The following NEK11 variants were observed in gnomAD, a reference collection of about 807,000 sequenced individuals.
NEK11 encodes the protein NIMA related kinase 11, also known as serine/threonine-protein kinase Nek11.
Under a neutral mutation model 80.7 loss-of-function variants are expected in NEK11, and 72 were observed. The observed-to-expected ratio is 0.89, with a 90% CI of 0.74 to 1.08. The LOEUF is 1.08. Ranked by LOEUF, NEK11 falls within the 50% of genes least tolerant of loss-of-function variation. The pLI is 0.00. For missense variants in NEK11, 764 were observed against 763.6 expected (o/e 1.00, Z -0.01); for synonymous variants, 251 against 260.7 (o/e 0.96, Z 0.36).
chr3:131,213,549 G>A (rs1288154443), intron 14 of NEK11, among the ~76,000 whole-genome samples: 1 of 152,120 alleles, frequency 6.6e-6, no homozygotes, highest in African/African-American at 2.4e-5. Flanking sequence ...AGGAGGGAGA[G>A]GCCGCCTATG....
chr3:131,088,928 A>G (rs1005514994), intron 4 of NEK11, among the ~76,000 whole-genome samples: 2 of 152,196 alleles, frequency 1.3e-5, no homozygotes, highest in South Asian at 4.1e-4. Flanking sequence ...CTTGGGTTGT[A>G]CAATATAATG....
chr3:131,095,067 G>A (rs1483339555), intron 4 of NEK11, among the ~76,000 whole-genome samples: 2 of 152,058 alleles, frequency 1.3e-5, no homozygotes, highest in East Asian at 3.9e-4. Flanking sequence ...CAGGCACACA[G>A]CATTGTTTAT....
At chr3:131,137,176 G>T (rs1191320323) in intron 7 of NEK11, among the ~76,000 whole-genome samples, 4 of 152,108 alleles carry the variant, frequency 2.6e-5, no homozygotes, top group Admixed American at 1.3e-4. Context: ...AAGGAATCTA[G>T]TTCATGCCCA....
intron 7 of NEK11, among the ~76,000 whole-genome samples, chr3:131,151,407 T>C (rs1415217718): frequency 6.6e-6 from 1 of 152,080 alleles, no homozygotes; most frequent in East Asian, 1.9e-4. Context: ...ATATCCAAAA[T>C]TCTCTTACAA....
chr3:131,240,921 G>A (rs996598310), intron 15 of NEK11, among the ~76,000 whole-genome samples: 32 of 152,116 alleles, frequency 2.1e-4, no homozygotes, highest in Non-Finnish European at 2.5e-4. Flanking sequence ...TTTCTCCTTT[G>A]AGATTGCCTG....
intron 16 of NEK11, among the ~76,000 whole-genome samples, chr3:131,244,432 G>A (rs2095566484): frequency 6.6e-6 from 1 of 152,016 alleles, no homozygotes; most frequent in Admixed American, 6.6e-5. Context: ...CATGACTTAA[G>A]ACCAGGAAGG....
chr3:131,337,628 T>A (rs1051406493), intron 17 of NEK11, among the ~76,000 whole-genome samples: 3 of 148,068 alleles, frequency 2.0e-5, no homozygotes, highest in South Asian at 2.1e-4. Context: ...TAATAAAATT[T>A]AAAATAATAA....
At chr3:131,261,266 C>T (rs867353079) in intron 16 of NEK11, among the ~76,000 whole-genome samples, 5 of 152,108 alleles carry the variant, frequency 3.3e-5, no homozygotes, top group South Asian at 4.1e-4. Context: ...AATGTGTCTT[C>T]GTATCATTTT....
At chr3:131,213,668 A>G (rs986509097) in intron 14 of NEK11, among the ~76,000 whole-genome samples, 11 of 152,216 alleles carry the variant, frequency 7.2e-5, no homozygotes, top group African/African-American at 2.6e-4. Flanking sequence ...TTACTACTCT[A>G]AGTGTGGTTT....
intron 17 of NEK11, among the ~76,000 whole-genome samples, chr3:131,284,169 A>T (rs1581386430): frequency 6.6e-6 from 1 of 152,206 alleles, no homozygotes; most frequent in African/African-American, 2.4e-5. Flanking sequence ...GAGTGAGCAG[A>T]TTCATGCACT....
At chr3:131,168,751 C>T (rs2092463612) in intron 12 of NEK11, 79 bp from the exon 13 acceptor site, 2 of 971,418 alleles carry the variant, frequency 2.1e-6, no homozygotes, top group Non-Finnish European at 3.1e-6. Context: ...AATGGGCCTC[C>T]TGAAAGCAGC....
chr3:131,293,159 GT>G (rs2096560766), intron 17 of NEK11, among the ~76,000 whole-genome samples: 1 of 151,990 alleles, frequency 6.6e-6, no homozygotes, highest in African/African-American at 2.4e-5. Context: ...TTTTTGCCTT[GT>G]AACTGACATT....
At chr3:131,236,457 T>C (rs1018155226) in intron 15 of NEK11, among the ~76,000 whole-genome samples, 1 of 152,202 alleles carries the variant, frequency 6.6e-6, no homozygotes, top group Non-Finnish European at 1.5e-5. Context: ...TATGAATGTC[T>C]TTGAAACCCT....
At chr3:131,209,885 G>A (rs886255775) in intron 14 of NEK11, among the ~76,000 whole-genome samples, 51 of 151,434 alleles carry the variant, frequency 3.4e-4, no homozygotes, top group African/African-American at 1.2e-3. Context: ...TTTCTTCTTT[G>A]TTAGTCTTGC....
intron 14 of NEK11, among the ~76,000 whole-genome samples, chr3:131,211,166 TG>T (rs1353164152): frequency 6.6e-6 from 1 of 152,198 alleles, no homozygotes; most frequent in Non-Finnish European, 1.5e-5. Context: ...AAGGCAGGCC[TG>T]GTAGTGACAA....
chr3:131,040,734 T>C (rs1247475605), intron 3 of NEK11, among the ~76,000 whole-genome samples: 1 of 152,200 alleles, frequency 6.6e-6, no homozygotes, highest in East Asian at 1.9e-4. Context: ...AAGATCAAAA[T>C]GTAGTTGATA....
chr3:131,043,545 G>A (rs1470535055), intron 3 of NEK11, among the ~76,000 whole-genome samples: 2 of 152,176 alleles, frequency 1.3e-5, no homozygotes, highest in African/African-American at 2.4e-5. Context: ...GAAATCAAGT[G>A]TGAAGACAAG....
intron 3 of NEK11, among the ~76,000 whole-genome samples, chr3:131,047,980 TC>T (rs2067682779): frequency 6.6e-6 from 1 of 152,018 alleles, no homozygotes; most frequent in Admixed American, 6.5e-5. Flanking sequence ...TGGGTGTGGT[TC>T]TCAGGCCAGT....
At chr3:131,065,500 T>C (rs2071751316) in intron 3 of NEK11, among the ~76,000 whole-genome samples, 1 of 152,218 alleles carries the variant, frequency 6.6e-6, no homozygotes, top group South Asian at 2.1e-4. Context: ...GAACCAAGTG[T>C]AATGATACTA....
Sources: gnomAD v4.1 joint callset for allele counts (sites outside exome capture counted in the v4.1 genomes callset) on GRCh38, gnomAD v4.1.1 for gene constraint, MANE v1.5 for transcripts, NCBI Gene and HGNC (gene_info 2026-07-23, HGNC 2026-07-21) for gene names.